ASXL1: variants seen among roughly 807,000 people sequenced by gnomAD.
ASXL1 encodes polycomb group protein ASXL1.
A neutral mutation model predicts 89.1 loss-of-function variants in ASXL1; 65 were observed. The observed-to-expected ratio is 0.73, with a 90% CI of 0.60 to 0.90. The LOEUF (loss-of-function observed/expected upper bound fraction) is 0.90. Ranked by LOEUF, ASXL1 falls within the 40% of genes least tolerant of loss-of-function variation. The pLI, the probability that ASXL1 is intolerant of heterozygous loss-of-function variation, is 0.00. For synonymous variants in ASXL1, 739 were observed against 746.9 expected (o/e 0.99, Z 0.17); for missense variants, 1,786 against 1,942.9 (o/e 0.92, Z 1.52).
intron 4 of ASXL1, among the ~76,000 whole-genome samples, chr20:32,426,680 C>T (rs2011316191): frequency 6.6e-6 from 1 of 150,740 alleles, no homozygotes; most frequent in Non-Finnish European, 1.5e-5. Flanking sequence ...CTGCCTTAGC[C>T]TCCCGAGTAG....
intron 1 of ASXL1, chr20:32,359,434 A>G: frequency 1.4e-6 from 1 of 701,594 alleles, no homozygotes; most frequent in Non-Finnish European, 2.6e-6. Context: ...GCGGTTAGGA[A>G]CGCTACTCCT....
intron 4 of ASXL1, among the ~76,000 whole-genome samples, chr20:32,374,746 G>A (rs1272168871): frequency 6.6e-6 from 1 of 152,180 alleles, no homozygotes; most frequent in African/African-American, 2.4e-5. Flanking sequence ...AGGAATGGAT[G>A]AGAAAGGATA....
intron 4 of ASXL1, among the ~76,000 whole-genome samples, chr20:32,409,140 A>T (rs907585290): frequency 2.0e-5 from 3 of 151,862 alleles, no homozygotes; most frequent in Non-Finnish European, 2.9e-5. Flanking sequence ...TACCTGGCTA[A>T]TTTTTTGTAT....
chr20:32,409,297 A>G lies in ASXL1; in HGVS notation c.253-18831A>G, dbSNP rs549194106. Among the ~76,000 whole-genome samples the G allele has an allele frequency of 2.0e-5, 3 of 152,298 alleles. No individual in the cohort carries two copies. The South Asian group carries it at 6.2e-4, about 32-fold the overall frequency. On this transcript the variant is annotated intron_variant, in intron 4 of 12. Transcript: ENST00000375687. ...CTCAGCTATTTTTATTTTCGATGCT[A>G]TTATACATGGAATTTGTTTTAAAAA...
chr20:32,416,118 G>A (rs1442244694), intron 4 of ASXL1, among the ~76,000 whole-genome samples: 2 of 152,014 alleles, frequency 1.3e-5, no homozygotes, highest in African/African-American at 4.8e-5. Context: ...GGGGGTACAG[G>A]TGATATTTTG....
intron 1 of ASXL1, chr20:32,360,066 C>CA (rs3215635): frequency 0.042 from 13,769 of 327,894 alleles, 89 homozygotes; most frequent in Admixed American, 0.096. Flanking sequence ...AGGTGTTGTG[C>CA]AAAAAAAAAA....
Position 32,436,849 on chromosome 20 carries a change from G to A in ASXL1, c.4137G>A (p.Lys1379=), listed in dbSNP as rs1446398463. 1.2e-6 allele frequency: 2 copies of A among 1,614,212 alleles called. No individual in the cohort carries two copies. The highest frequency in any genetic ancestry group is 2.2e-5 in the East Asian group (1 of 44,886). The change falls in exon 13 of 13, where the codon AAG becomes AAA. Residue 1379 remains lysine, a synonymous_variant. Transcript: ENST00000375687. Reference sequence around the variant, plus strand: ...AGACTTTTGTGGGGGGTCCTCTTAAGGCAAATGCCGAGAACAGGAAAGCTA... The same window carrying A: ...AGACTTTTGTGGGGGGTCCTCTTAAAGCAAATGCCGAGAACAGGAAAGCTA... The part of the protein sequence containing the change: ...NEKTFVGGPL[K]ANAENRKATG...
chr20:32,358,931 C>T (rs2048060152), intron 1 of ASXL1, 99 bp downstream of exon 1: 13 of 1,222,470 alleles, frequency 1.1e-5, no homozygotes, highest in Admixed American at 7.3e-5. Flanking sequence ...CCCTGCCCAC[C>T]GCGGGAGGGG....
In ASXL1 at chr20:32,433,483, G is replaced by C. The variant is rs2011597140; in HGVS notation, c.1285G>C (p.Glu429Gln). The change falls in exon 12 of 13, where the codon GAG becomes CAG. Residue 429 changes from glutamate (E) to glutamine (Q), a missense_variant. Physicochemically the swap from Glu to Gln is conservative, Grantham distance 29. Transcript: ENST00000375687. ...CAGAAGGAATCTGTACAAAAAACAG[G>C]AGTCAGAACAAGCAGGGGTTGCTAA... ...RARRNLYKKQ[E>Q]SEQAGVAKDA... 1 of 1,614,058 alleles carries C rather than the reference G, an allele frequency of 6.2e-7. No homozygotes were observed.
chr20:32,369,175 G>A (rs1293217571), intron 4 of ASXL1, 52 bp downstream of exon 4: 3 of 1,514,076 alleles, frequency 2.0e-6, no homozygotes, highest in Non-Finnish European at 2.8e-6. Flanking sequence ...CTTTTAATGT[G>A]CATAAAAATC....
At chr20:32,362,122 A>G (rs2048123421) in intron 1 of ASXL1, among the ~76,000 whole-genome samples, 4 of 152,220 alleles carry the variant, frequency 2.6e-5, no homozygotes, top group Admixed American at 6.5e-5. Context: ...TTGCTGTAAC[A>G]CTGTACTGGA....
intron 1 of ASXL1, among the ~76,000 whole-genome samples, chr20:32,363,002 C>T (rs1600464866): frequency 6.6e-6 from 1 of 151,776 alleles, no homozygotes; most frequent in African/African-American, 2.4e-5. Context: ...GTTCTTACAT[C>T]AAACATTTTT....
intron 1 of ASXL1, among the ~76,000 whole-genome samples, chr20:32,365,122 C>A (rs1282761544): frequency 6.6e-6 from 1 of 151,984 alleles, no homozygotes; most frequent in African/African-American, 2.4e-5. Context: ...AAGAGTAGAG[C>A]TGAATTAGAG....
chr20:32,406,254 A>G (rs930181752), intron 4 of ASXL1, among the ~76,000 whole-genome samples: 4 of 152,004 alleles, frequency 2.6e-5, no homozygotes, highest in African/African-American at 7.2e-5. Flanking sequence ...TTTTCCAACA[A>G]TAATAAATCT....
intron 4 of ASXL1, among the ~76,000 whole-genome samples, chr20:32,402,496 G>A (rs1600529903): frequency 6.6e-6 from 1 of 152,202 alleles, no homozygotes; most frequent in African/African-American, 2.4e-5. Flanking sequence ...TTGCTGGGTC[G>A]TATGATACAT....
At chr20:32,397,061 C>T (rs1374519953) in intron 4 of ASXL1, among the ~76,000 whole-genome samples, 1 of 147,754 alleles carries the variant, frequency 6.8e-6, no homozygotes, top group East Asian at 2.0e-4. Context: ...TTTCTTTTTC[C>T]CGAGATGAAG....
chr20:32,370,418 A>AC (rs1274438020), intron 4 of ASXL1, among the ~76,000 whole-genome samples: 4 of 152,148 alleles, frequency 2.6e-5, no homozygotes, highest in African/African-American at 2.4e-5. Context: ...TGTTCCAAAA[A>AC]AAAAAAAAAT....
intron 4 of ASXL1, among the ~76,000 whole-genome samples, chr20:32,411,039 A>T (rs1219367917): frequency 7.5e-5 from 6 of 79,560 alleles, no homozygotes; most frequent in African/African-American, 1.1e-4. Flanking sequence ...CTCAAAAAAA[A>T]AAAAAAATAA....
chr20:32,428,537 C>G (rs553637900), intron 6 of ASXL1, 115 bp downstream of exon 6: 7 of 1,017,416 alleles, frequency 6.9e-6, no homozygotes, highest in Non-Finnish European at 1.1e-5. Context: ...GAATAGAAGT[C>G]TGGTCTCCAG....
Sources: allele counts gnomAD v4.1 joint callset (sites outside exome capture counted in the v4.1 genomes callset), GRCh38; gene constraint gnomAD v4.1.1; transcripts MANE v1.5; gene names NCBI Gene and HGNC (gene_info 2026-07-23, HGNC 2026-07-21).